RBFOX1: variants seen among roughly 807,000 people sequenced by gnomAD.
RBFOX1 encodes RNA binding fox-1 homolog 1.
In RBFOX1, 8 loss-of-function variants were observed where a neutral mutation model predicts 57.7. That is an observed-to-expected ratio of 0.14 (90% CI 0.08 to 0.25). The LOEUF (loss-of-function observed/expected upper bound fraction) is 0.25. Ranked by LOEUF, RBFOX1 falls within the 10% of genes least tolerant of loss-of-function variation. The probability of loss-of-function intolerance (pLI) is 1.00; values close to 1 mark genes in which losing one functional copy is unlikely to be tolerated. For missense variants in RBFOX1, 611 were observed against 548.5 expected (o/e 1.11, Z -1.14); for synonymous variants, 326 against 222.4 (o/e 1.47, Z -4.15).
intron 4 of RBFOX1, among the ~76,000 whole-genome samples, chr16:7,212,944 C>G (rs1276012288): frequency 1.3e-5 from 2 of 152,162 alleles, no homozygotes; most frequent in Admixed American, 6.5e-5. Flanking sequence ...TACCGTGCCA[C>G]TCATATTTTG....
intron 2 of RBFOX1, among the ~76,000 whole-genome samples, chr16:6,340,637 A>G (rs548061845): frequency 3.9e-5 from 6 of 152,258 alleles, no homozygotes; most frequent in Admixed American, 3.9e-4. Flanking sequence ...AGTGAGGACA[A>G]CCAGAGGTCA....
At chr16:6,590,463 G>C (rs1200073637) in intron 2 of RBFOX1, among the ~76,000 whole-genome samples, 2 of 152,166 alleles carry the variant, frequency 1.3e-5, no homozygotes, top group Non-Finnish European at 2.9e-5. Flanking sequence ...CACAGTAGCA[G>C]GCCTGTATTT....
intron 3 of RBFOX1, among the ~76,000 whole-genome samples, chr16:6,740,997 A>G (rs1029584706): frequency 1.3e-5 from 2 of 152,154 alleles, no homozygotes; most frequent in African/African-American, 2.4e-5. Context: ...CATCATCGCT[A>G]TGTGGTATTT....
intron 3 of RBFOX1, among the ~76,000 whole-genome samples, chr16:5,865,603 A>G (rs2057326719): frequency 6.6e-6 from 1 of 152,176 alleles, no homozygotes; most frequent in African/African-American, 2.4e-5. Flanking sequence ...TTGGTGCCAA[A>G]GCCAGGTCAG....
intron 3 of RBFOX1, among the ~76,000 whole-genome samples, chr16:6,819,737 AC>A (rs2090929278): frequency 6.0e-5 from 8 of 134,140 alleles, no homozygotes; most frequent in Admixed American, 2.3e-4. Context: ...AAAAATAACA[AC>A]ACCAAAAGGT....
intron 4 of RBFOX1, among the ~76,000 whole-genome samples, chr16:7,215,260 C>T (rs1260531237): frequency 3.9e-5 from 6 of 152,164 alleles, no homozygotes; most frequent in East Asian, 1.9e-4. Context: ...GAAAGTGTGG[C>T]AATTCCTGAA....
chr16:6,666,425 T>C (rs774211063), intron 3 of RBFOX1, among the ~76,000 whole-genome samples: 11 of 150,820 alleles, frequency 7.3e-5, no homozygotes, highest in African/African-American at 1.2e-4. Context: ...ATCCTAGCCA[T>C]GCTATTCGGG....
At chr16:5,920,351 A>G (rs2058795405) in intron 4 of RBFOX1, among the ~76,000 whole-genome samples, 2 of 152,190 alleles carry the variant, frequency 1.3e-5, no homozygotes, top group South Asian at 2.1e-4. Context: ...TTATTCACTC[A>G]TCGGTGGCTA....
chr16:7,153,242 C>G (rs2076430370), intron 4 of RBFOX1, among the ~76,000 whole-genome samples: 1 of 151,878 alleles, frequency 6.6e-6, no homozygotes, highest in Non-Finnish European at 1.5e-5. Flanking sequence ...CTGGTAATGT[C>G]TCTATCAAAT....
At chr16:7,406,651 A>G (rs781504779) in intron 4 of RBFOX1, among the ~76,000 whole-genome samples, 5 of 152,200 alleles carry the variant, frequency 3.3e-5, no homozygotes, top group African/African-American at 1.2e-4. Flanking sequence ...ACGCACCCAC[A>G]TGGCAGATTG....
chr16:5,567,782 G>C (rs931894757), intron 2 of RBFOX1, among the ~76,000 whole-genome samples: 8 of 151,962 alleles, frequency 5.3e-5, no homozygotes, highest in Non-Finnish European at 1.5e-5. Context: ...CACCTATACT[G>C]ATTAGGTTGA....
chr16:5,724,574 C>T (rs2052062307), intron 3 of RBFOX1, among the ~76,000 whole-genome samples: 1 of 152,144 alleles, frequency 6.6e-6, no homozygotes, highest in African/African-American at 2.4e-5. Flanking sequence ...AAGCATAATC[C>T]TCATGGTCTT....
intron 4 of RBFOX1, among the ~76,000 whole-genome samples, chr16:7,066,075 TCA>T (rs1454504729): frequency 6.6e-6 from 1 of 152,214 alleles, no homozygotes; most frequent in Non-Finnish European, 1.5e-5. Flanking sequence ...CTAAGTCACT[TCA>T]GAGTGTTTTG....
At chr16:6,358,932 A>G (rs1370053579) in intron 2 of RBFOX1, among the ~76,000 whole-genome samples, 1 of 152,200 alleles carries the variant, frequency 6.6e-6, no homozygotes, top group East Asian at 1.9e-4. Flanking sequence ...CAAAGCTGAG[A>G]TTCTGGCATC....
intron 4 of RBFOX1, among the ~76,000 whole-genome samples, chr16:7,106,876 T>C (rs2063680977): frequency 6.6e-6 from 1 of 152,026 alleles, no homozygotes; most frequent in Non-Finnish European, 1.5e-5. Context: ...GAAACAAGTA[T>C]TTATCATGCA....
intron 5 of RBFOX1, among the ~76,000 whole-genome samples, chr16:7,560,492 C>A (rs2090057149): frequency 6.6e-6 from 1 of 151,584 alleles, no homozygotes; most frequent in South Asian, 2.1e-4. Flanking sequence ...ACATTGTCAT[C>A]CTGCGGTGGG....
intron 3 of RBFOX1, among the ~76,000 whole-genome samples, chr16:6,844,777 G>T (rs1437734727): frequency 6.6e-6 from 1 of 152,132 alleles, no homozygotes; most frequent in Non-Finnish European, 1.5e-5. Context: ...CTTCTGCAAT[G>T]GTTGAACTAA....
chr16:5,826,711 A>G (rs554518324), intron 3 of RBFOX1, among the ~76,000 whole-genome samples: 2 of 152,388 alleles, frequency 1.3e-5, no homozygotes, highest in African/African-American at 4.8e-5. Context: ...TATTTAACAT[A>G]TTAATTAAAA....
At chr16:6,193,515 C>T (rs1024637871) in intron 1 of RBFOX1, among the ~76,000 whole-genome samples, 2 of 147,016 alleles carry the variant, frequency 1.4e-5, no homozygotes, top group African/African-American at 5.0e-5. Flanking sequence ...TGACCTAGAG[C>T]AAGTCACATA....
Sources: allele counts gnomAD v4.1 joint callset (sites outside exome capture counted in the v4.1 genomes callset), GRCh38; gene constraint gnomAD v4.1.1; transcripts MANE v1.5; gene names NCBI Gene and HGNC (gene_info 2026-07-23, HGNC 2026-07-21).